ERBB4: variants seen among roughly 807,000 people sequenced by gnomAD.
ERBB4 encodes the protein receptor tyrosine-protein kinase erbB-4.
Under a neutral mutation model 158.0 loss-of-function variants are expected in ERBB4, and 42 were observed. That is an observed-to-expected ratio of 0.27 (90% CI 0.21 to 0.34). The LOEUF (loss-of-function observed/expected upper bound fraction) is 0.34. Among genes scored for constraint, ERBB4 ranks in the 10% least tolerant of loss-of-function variants. ERBB4 has a pLI of 1.00. For missense variants in ERBB4, 1,333 were observed against 1,624.1 expected (o/e 0.82, Z 3.08); for synonymous variants, 583 against 558.7 (o/e 1.04, Z -0.61).
intron 1 of ERBB4, among the ~76,000 whole-genome samples, chr2:212,131,649 A>G (rs2080110375): frequency 6.6e-6 from 1 of 152,224 alleles, no homozygotes; most frequent in Non-Finnish European, 1.5e-5. Context: ...AGCAGATTCT[A>G]TCAATATTAC....
intron 5 of ERBB4, among the ~76,000 whole-genome samples, chr2:211,735,615 T>C (rs1382675026): frequency 6.6e-6 from 1 of 152,010 alleles, no homozygotes; most frequent in Admixed American, 6.6e-5. Flanking sequence ...AAAACTAAGA[T>C]ATTACTCAAA....
chr2:211,511,541 A>G (rs1344986325), intron 20 of ERBB4, among the ~76,000 whole-genome samples: 1 of 152,056 alleles, frequency 6.6e-6, no homozygotes, highest in Non-Finnish European at 1.5e-5. Context: ...AGCCATATCA[A>G]CCCTAATAAG....
At chr2:212,167,214 A>G (rs2081373114) in intron 1 of ERBB4, among the ~76,000 whole-genome samples, 1 of 152,204 alleles carries the variant, frequency 6.6e-6, no homozygotes, top group African/African-American at 2.4e-5. Context: ...TCTAATATCC[A>G]GAATTTACAA....
At chr2:211,549,925 A>T (rs1174371535) in intron 20 of ERBB4, among the ~76,000 whole-genome samples, 1 of 152,116 alleles carries the variant, frequency 6.6e-6, no homozygotes, top group Non-Finnish European at 1.5e-5. Context: ...CTCTAGAAAG[A>T]ACCCTGTCGG....
chr2:212,161,299 GAAGTGTCCCCATACTA>G (rs764830692), intron 1 of ERBB4, among the ~76,000 whole-genome samples: 2 of 151,806 alleles, frequency 1.3e-5, no homozygotes, highest in Non-Finnish European at 2.9e-5. Context: ...ACTTCACTAT[GAAGTGTCCCCATACTA>G]ACATAATTAA....
chr2:212,492,270 AAAT>A (rs959991359), intron 1 of ERBB4, among the ~76,000 whole-genome samples: 3 of 151,478 alleles, frequency 2.0e-5, no homozygotes, highest in Non-Finnish European at 4.4e-5. Context: ...TTGAATTTTA[AAAT>A]AATAGAATTT....
intron 20 of ERBB4, among the ~76,000 whole-genome samples, chr2:211,490,530 A>G (rs35785239): frequency 0.44 from 66,680 of 151,724 alleles, 16,035 homozygotes; most frequent in African/African-American, 0.64. Context: ...AAGTAGAAAG[A>G]TAATGAGTTT....
At chr2:211,418,976 T>A (rs554466361) in intron 25 of ERBB4, among the ~76,000 whole-genome samples, 27 of 152,268 alleles carry the variant, frequency 1.8e-4, no homozygotes, top group African/African-American at 6.0e-4. Flanking sequence ...GTCTCCATCT[T>A]TGTCTCTTTC....
chr2:212,413,134 A>ATTTTTTTTTTTTT (rs370397826), intron 1 of ERBB4, among the ~76,000 whole-genome samples: 175 of 101,230 alleles, frequency 1.7e-3, no homozygotes, highest in Non-Finnish European at 2.2e-3. Flanking sequence ...TGCGTGGCTA[A>ATTTTTTTTTTTTT]TTTTTTTTTT....
chr2:211,856,283 G>A (rs983893135), intron 3 of ERBB4, among the ~76,000 whole-genome samples: 4 of 152,064 alleles, frequency 2.6e-5, no homozygotes, highest in Admixed American at 2.0e-4. Context: ...ATTTCAATTA[G>A]GCAATTACAG....
intron 2 of ERBB4, among the ~76,000 whole-genome samples, chr2:212,060,520 T>C (rs2077726657): frequency 1.3e-5 from 2 of 149,550 alleles, no homozygotes; most frequent in African/African-American, 2.4e-5. Flanking sequence ...CGTATGTTTA[T>C]TGCGGCACTA....
At chr2:211,870,432 A>G (rs1019377417) in intron 3 of ERBB4, among the ~76,000 whole-genome samples, 2 of 151,420 alleles carry the variant, frequency 1.3e-5, no homozygotes, top group African/African-American at 4.8e-5. Context: ...CTAAAATAAG[A>G]TTTCCATTGT....
chr2:211,466,064 A>G (rs185152063), intron 20 of ERBB4, among the ~76,000 whole-genome samples: 1 of 152,272 alleles, frequency 6.6e-6, no homozygotes, highest in Non-Finnish European at 1.5e-5. Context: ...TAGGAAGCAA[A>G]GTAGTGAAGT....
intron 9 of ERBB4, among the ~76,000 whole-genome samples, chr2:211,707,938 T>C (rs906381756): frequency 1.3e-5 from 2 of 152,202 alleles, no homozygotes; most frequent in African/African-American, 4.8e-5. Context: ...TAAAAACATC[T>C]CAGCTATTTT....
chr2:211,915,438 C>CTT (rs2079662176), intron 3 of ERBB4, among the ~76,000 whole-genome samples: 1 of 147,534 alleles, frequency 6.8e-6, no homozygotes, highest in African/African-American at 2.5e-5. Context: ...TCAAACATTA[C>CTT]ATATATATAT....
chr2:211,861,404 T>C (rs1159460410), intron 3 of ERBB4, among the ~76,000 whole-genome samples: 5 of 142,520 alleles, frequency 3.5e-5, no homozygotes, highest in Non-Finnish European at 7.6e-5. Flanking sequence ...CTGTGTTGCC[T>C]AGGCTAGTCT....
At chr2:211,636,050 G>T (rs1574900806) in intron 16 of ERBB4, among the ~76,000 whole-genome samples, 1 of 151,752 alleles carries the variant, frequency 6.6e-6, no homozygotes, top group East Asian at 1.9e-4. Context: ...ATCAGATGTA[G>T]ACCTGCTTCA....
At chr2:211,424,375 T>C in intron 22 of ERBB4, 74 bp from the exon 23 acceptor site, 1 of 1,039,900 alleles carries the variant, frequency 9.6e-7, no homozygotes. Context: ...ATACCAGTAG[T>C]AAAAGAATAC....
chr2:212,160,798 C>A (rs1481046175), intron 1 of ERBB4, among the ~76,000 whole-genome samples: 2 of 151,996 alleles, frequency 1.3e-5, no homozygotes, highest in African/African-American at 2.4e-5. Flanking sequence ...ACCTGATGAT[C>A]TCTTCTTAAT....
Sources: gnomAD v4.1 joint callset for allele counts (sites outside exome capture counted in the v4.1 genomes callset) on GRCh38, gnomAD v4.1.1 for gene constraint, MANE v1.5 for transcripts, NCBI Gene and HGNC (gene_info 2026-07-23, HGNC 2026-07-21) for gene names.